Variants in PTPRT observed in about 807,000 individuals in gnomAD.
PTPRT encodes receptor-type tyrosine-protein phosphatase T.
A neutral mutation model predicts 176.8 loss-of-function variants in PTPRT; 56 were observed. The ratio of observed to expected loss-of-function variants is 0.32; its 90% CI spans 0.26 to 0.40. The LOEUF is 0.40. Among genes scored for constraint, PTPRT ranks in the 10% least tolerant of loss-of-function variants. The pLI, the probability that PTPRT is intolerant of heterozygous loss-of-function variation, is 1.00. For missense variants in PTPRT, 1,540 were observed against 1,908.2 expected, an observed-to-expected ratio of 0.81 and a Z score of 3.60; for synonymous variants, 783 against 739.0, an observed-to-expected ratio of 1.06 and a Z score of -0.96.
At chr20:42,116,359 T>C (rs2146316686) in intron 21 of PTPRT, among the ~76,000 whole-genome samples, 1 of 152,248 alleles carries the variant, frequency 6.6e-6, no homozygotes, top group South Asian at 2.1e-4. Context: ...TAGCATCCCA[T>C]GGAACCCACT....
intron 1 of PTPRT, among the ~76,000 whole-genome samples, chr20:42,901,081 G>C (rs1013438623): frequency 2.6e-5 from 4 of 152,058 alleles, no homozygotes; most frequent in Non-Finnish European, 5.9e-5. Context: ...TTGCCCTTTC[G>C]ACCCCCACAT....
rs1328809133 is a variant in PTPRT at position 42,199,353 on chromosome 20, C to T, written c.2378G>A (p.Gly793Glu). 1.3e-5 allele frequency: 21 copies of T among 1,614,080 alleles called. No homozygotes were observed. Among genetic ancestry groups the T allele is most frequent in the Non-Finnish European group, 1.8e-5 (21 of 1,179,974 alleles). The change falls in exon 16 of 31, where the codon GGA becomes GAA. Residue 793 changes from glycine to glutamate, a missense_variant. By Grantham distance (98) the Gly-to-Glu change is moderately conservative. Around this residue, in one of 11 missense-constraint regions of PTPRT, gnomAD observed 255 missense variants for 250.1 expected, o/e 1.02. Transcript: ENST00000373187. ...CACAGGCCCCATCTCCCTCTGGGCT[C>T]CACTCTGGGTCTCCTTCTGCTTCTT... The part of the protein sequence containing the change: ...LAKKQKETQS[G>E]AQREMGPVAS...
At chr20:42,582,300 G>C (rs898540001) in intron 7 of PTPRT, among the ~76,000 whole-genome samples, 1 of 152,138 alleles carries the variant, frequency 6.6e-6, no homozygotes, top group Admixed American at 6.5e-5. Context: ...GGAGGCCCCT[G>C]GGGAGAAGAG....
chr20:43,155,182 C>A (rs182068074), intron 1 of PTPRT, among the ~76,000 whole-genome samples: 75 of 152,312 alleles, frequency 4.9e-4, no homozygotes, highest in African/African-American at 1.6e-3. Flanking sequence ...TATGATCCAG[C>A]AATCTCACTT....
At chr20:42,702,075 A>C (rs79886049) in intron 6 of PTPRT, among the ~76,000 whole-genome samples, 1 of 152,066 alleles carries the variant, frequency 6.6e-6, no homozygotes, top group Admixed American at 6.5e-5. Flanking sequence ...CACTTGTCAC[A>C]CTTGCTTAAC....
At chr20:42,469,131 C>T (rs926009841) in intron 8 of PTPRT, among the ~76,000 whole-genome samples, 1 of 151,872 alleles carries the variant, frequency 6.6e-6, no homozygotes, top group Non-Finnish European at 1.5e-5. Flanking sequence ...TTATAACATG[C>T]TGGGTATTAG....
chr20:42,047,649 A>G, the PTPRT span, among the ~76,000 whole-genome samples: 2 of 152,180 alleles, frequency 1.3e-5, no homozygotes, highest in Non-Finnish European at 2.9e-5. Context: ...GTCCAGTAGG[A>G]TGGCTGTACC....
At chr20:42,363,292 ATATATATATTTTTTTTTTTTTTTTTTT>A (rs1340004947) in intron 9 of PTPRT, among the ~76,000 whole-genome samples, 4 of 25,466 alleles carry the variant, frequency 1.6e-4, no homozygotes, top group Admixed American at 6.3e-4. Flanking sequence ...ATATATATAT[ATATATATATTTTTTTTTTTTTTTTTTT>A]TTTTTTTGAG....
intron 15 of PTPRT, among the ~76,000 whole-genome samples, chr20:42,222,382 A>G (rs537607942): frequency 1.3e-5 from 2 of 152,212 alleles, no homozygotes; most frequent in Non-Finnish European, 2.9e-5. Context: ...TAACTCCCAT[A>G]TTCCTTGTTA....
At chr20:42,762,951 G>A (rs1306436605) in intron 5 of PTPRT, among the ~76,000 whole-genome samples, 1 of 152,096 alleles carries the variant, frequency 6.6e-6, no homozygotes, top group African/African-American at 2.4e-5. Flanking sequence ...TGTTTTATGT[G>A]GATAAGTCGG....
chr20:43,052,001 T>G (rs370689702), intron 1 of PTPRT, among the ~76,000 whole-genome samples: 1 of 152,234 alleles, frequency 6.6e-6, no homozygotes, highest in Non-Finnish European at 1.5e-5. Context: ...TAAATGTGAA[T>G]GAATGAAAAA....
At position 42,780,304 on chromosome 20, in the gene PTPRT, A is replaced by G. The variant is rs957532040; in HGVS notation, c.487-5T>C. 1.2e-6 allele frequency: 2 copies of G among 1,612,270 alleles called. No homozygotes were observed. Among genetic ancestry groups the G allele is most frequent in the African/African-American group, 1.3e-5 (1 of 74,872 alleles). On this transcript the variant is annotated splice_polypyrimidine_tract_variant and splice_region_variant and intron_variant, in intron 3 of 30. Transcript: ENST00000373187. ...TGAGACGGATTCAAATATCACCTGC[A>G]ACACACAGGGCGGGAGTCAATTTCA...
intron 20 of PTPRT, among the ~76,000 whole-genome samples, chr20:42,119,561 C>A (rs992651783): frequency 6.6e-6 from 1 of 152,190 alleles, no homozygotes; most frequent in Non-Finnish European, 1.5e-5. Flanking sequence ...ATGCACCTAT[C>A]GTGGAGATAA....
chr20:42,537,847 C>T (rs974860353), intron 7 of PTPRT, among the ~76,000 whole-genome samples: 1 of 152,102 alleles, frequency 6.6e-6, no homozygotes, highest in Non-Finnish European at 1.5e-5. Flanking sequence ...ACGTCTGAAA[C>T]AAAGTATGGA....
chr20:43,142,615 CAA>C (rs11468212), intron 1 of PTPRT, among the ~76,000 whole-genome samples: 66,648 of 151,952 alleles, frequency 0.44, 16,216 homozygotes, highest in Non-Finnish European at 0.56. Context: ...AGGTAAATAA[CAA>C]GAGCTATAGC....
chr20:42,644,927 T>C (rs957595457), intron 7 of PTPRT, among the ~76,000 whole-genome samples: 2 of 152,192 alleles, frequency 1.3e-5, no homozygotes, highest in African/African-American at 2.4e-5. Context: ...ACTCCCATTA[T>C]ACAGAGGAAG....
chr20:42,381,770 G>C (rs1391859777), intron 9 of PTPRT, among the ~76,000 whole-genome samples: 1 of 152,134 alleles, frequency 6.6e-6, no homozygotes, highest in African/African-American at 2.4e-5. Flanking sequence ...CTTTGGGTCT[G>C]TTTCCAACTT....
intron 12 of PTPRT, among the ~76,000 whole-genome samples, chr20:42,314,526 CAA>C (rs386393782): frequency 1.2e-3 from 126 of 102,278 alleles, no homozygotes; most frequent in African/African-American, 3.1e-3. Flanking sequence ...GAGACTGTGT[CAA>C]AAAAAAAAAA....
chr20:42,827,536 C>G (rs1056645424), intron 2 of PTPRT, among the ~76,000 whole-genome samples: 1 of 152,176 alleles, frequency 6.6e-6, no homozygotes, highest in Non-Finnish European at 1.5e-5. Flanking sequence ...ACCAGAATCT[C>G]TGGGATACAG....
Sources: allele counts gnomAD v4.1 joint callset (sites outside exome capture counted in the v4.1 genomes callset), GRCh38; gene constraint gnomAD v4.1.1; regional missense constraint gnomAD v4.1.1; transcripts MANE v1.5; gene names NCBI Gene and HGNC (gene_info 2026-07-23, HGNC 2026-07-21).